CLCA2: variants seen among roughly 807,000 people sequenced by gnomAD.
CLCA2 encodes the protein chloride channel accessory 2.
Under a neutral mutation model 82.9 loss-of-function variants are expected in CLCA2, and 85 were observed. That is an observed-to-expected ratio of 1.03 (90% CI 0.86 to 1.23). The LOEUF (loss-of-function observed/expected upper bound fraction) is 1.23, where lower values mean the gene tolerates loss of function less well. CLCA2 is among the 50% of genes most tolerant of loss of function. CLCA2 has a pLI of 0.00. For missense variants in CLCA2, 1,089 were observed against 1,124.8 expected, an observed-to-expected ratio of 0.97 and a Z score of 0.45; for synonymous variants, 421 against 391.7, an observed-to-expected ratio of 1.07 and a Z score of -0.88.
At chr1:86,449,510 C>A (rs1454386756) in intron 11 of CLCA2, among the ~76,000 whole-genome samples, 1 of 152,098 alleles carries the variant, frequency 6.6e-6, no homozygotes, top group African/African-American at 2.4e-5. Flanking sequence ...CACTAAATAC[C>A]AAGATTTGAT....
chr1:86,432,599 A>T, intron 5 of CLCA2, 71 bp downstream of exon 5: 1 of 1,523,662 alleles, frequency 6.6e-7, no homozygotes, highest in Non-Finnish European at 8.9e-7. Flanking sequence ...TATTTAAATT[A>T]TAAGATAATT....
intron 6 of CLCA2, among the ~76,000 whole-genome samples, chr1:86,437,672 T>A (rs1662641487): frequency 6.6e-6 from 1 of 152,012 alleles, no homozygotes; most frequent in South Asian, 2.1e-4. Flanking sequence ...GATAGAGACA[T>A]AGGTATGGAT....
intron 6 of CLCA2, among the ~76,000 whole-genome samples, chr1:86,437,658 A>G (rs79839673): frequency 0.044 from 6,726 of 151,626 alleles, 204 homozygotes; most frequent in East Asian, 0.1. Context: ...GAGGTGGCGA[A>G]TGGGATAGAG....
intron 6 of CLCA2, among the ~76,000 whole-genome samples, chr1:86,438,521 C>G (rs1011316795): frequency 2.6e-5 from 4 of 152,150 alleles, no homozygotes; most frequent in Non-Finnish European, 4.4e-5. Flanking sequence ...TTTCTTTTAC[C>G]TGGACTGCAT....
chr1:86,431,598 T>C (rs1662499820), intron 4 of CLCA2, among the ~76,000 whole-genome samples: 1 of 152,250 alleles, frequency 6.6e-6, no homozygotes, highest in Non-Finnish European at 1.5e-5. Flanking sequence ...TGTTTTACAT[T>C]CCTATCAACA....
At chr1:86,438,450 C>T (rs568415211) in intron 6 of CLCA2, among the ~76,000 whole-genome samples, 14 of 152,256 alleles carry the variant, frequency 9.2e-5, no homozygotes, top group East Asian at 1.9e-4. Context: ...AGGGTAGTGC[C>T]GGGGCAGATC....
Position 86,439,095 on chromosome 1 carries a change from A to G in CLCA2, c.1192A>G (p.Lys398Glu). Residue 398 changes from lysine to glutamate, a missense_variant, in exon 7 of 14, where the codon AAA becomes GAA. By Grantham distance (56) the Lys-to-Glu change is moderately conservative. Coordinates refer to ENST00000370565, the MANE Select transcript of CLCA2 (RefSeq NM_006536.7). ...CATCAGCATTTGTTCAGGGCTTAAG[A>G]AAGGATTTGAGGTACAGTAGAGCAT... ...TDISICSGLKKGFEVVEKLNG... is the reference protein window; with the variant it reads ...TDISICSGLKEGFEVVEKLNG... 1 of 1,613,956 alleles carries G rather than the reference A, an allele frequency of 6.2e-7. No homozygotes were observed. The highest frequency in any genetic ancestry group is 8.5e-7 in the Non-Finnish European group (1 of 1,179,864).
In CLCA2 at chr1:86,432,576, C is replaced by T. The variant is rs536120136; in HGVS notation, c.744+48C>T. On this transcript the variant is annotated intron_variant, in intron 5 of 13. Transcript: ENST00000370565. ...ACACTCTTGCAGGATTCCTTCTCTTCCCATGTTTCAAGTATTTAAATTATA... is the reference window on the plus strand; with the variant it reads ...ACACTCTTGCAGGATTCCTTCTCTTTCCATGTTTCAAGTATTTAAATTATA... The T allele has an allele frequency of 6.5e-5, 102 of 1,574,014 alleles. 1 individual carries two copies. Among genetic ancestry groups the T allele is most frequent in the Non-Finnish European group, 8.7e-5 (101 of 1,157,976 alleles).
At chr1:86,428,342 G>T in intron 2 of CLCA2, 76 bp from the exon 3 acceptor site, 5 of 1,387,746 alleles carry the variant, frequency 3.6e-6, no homozygotes, top group Non-Finnish European at 4.9e-6. Context: ...AGTTCAAAGT[G>T]CTTTAATGAA....
At position 86,450,645 on chromosome 1, in the gene CLCA2, G is replaced by A. The variant is rs1314469998; in HGVS notation, c.2067G>A (p.Val689=). Residue 689 remains valine (V), a synonymous_variant, in exon 12 of 14, where the codon GTG becomes GTA. Coordinates refer to ENST00000370565, the MANE Select transcript of CLCA2 (RefSeq NM_006536.7). ...FAANGRYSLK[V]HVNHSPSIST... is the part of the protein sequence containing the mutation. ...CAAATGGTAGATATAGCTTGAAAGT[G>A]CATGTCAATCACTCTCCCAGCATAA... 1.9e-6 allele frequency: 3 copies of A among 1,613,480 alleles called. No homozygotes were observed. The African/African-American group carries it at 4.0e-5, about 22-fold the overall frequency.
intron 9 of CLCA2, among the ~76,000 whole-genome samples, chr1:86,442,733 T>C (rs1241815659): frequency 6.6e-6 from 1 of 152,258 alleles, no homozygotes; most frequent in Admixed American, 6.5e-5. Context: ...TTCAAAGTTA[T>C]TTAGAGACTT....
At chr1:86,425,594 C>A (rs1662372844) in intron 2 of CLCA2, 118 bp downstream of exon 2, 3 of 734,810 alleles carry the variant, frequency 4.1e-6, no homozygotes, top group Middle Eastern at 3.3e-4. Flanking sequence ...ATTAACAATG[C>A]AAATAATATT....
Position 86,425,412 on chromosome 1 carries a change from T to A in CLCA2, c.260T>A (p.Ile87Asn). The A allele has an allele frequency of 6.4e-7, 1 of 1,574,712 alleles. No homozygotes were observed. Among genetic ancestry groups the A allele is most frequent in the Admixed American group, 1.8e-5 (1 of 56,118 alleles). Residue 87 changes from isoleucine (I) to asparagine (N), a missense_variant, in exon 2 of 14, where the codon ATT becomes AAT. Coordinates refer to ENST00000370565, the MANE Select transcript of CLCA2 (RefSeq NM_006536.7). Reference protein sequence around the residue: ...KRRVFFRNIKILIPATWKANN... With the variant: ...KRRVFFRNIKNLIPATWKANN... ...AGAGTATTTTTCAGAAATATAAAGATTTTAATACCTGCCACATGGAAAGCT... is the reference window on the plus strand; with the variant it reads ...AGAGTATTTTTCAGAAATATAAAGAATTTAATACCTGCCACATGGAAAGCT...
chr1:86,455,367 A>C lies in CLCA2; in HGVS notation c.2672A>C (p.Asn891Thr). Residue 891 changes from asparagine to threonine, a missense_variant, in exon 14 of 14, where the codon AAT becomes ACT. By Grantham distance (65) the Asn-to-Thr change is moderately conservative. Transcript: ENST00000370565. ...IAQAPLFIPP[N>T]SDPVPARDYL... ...CAGGCGCCTCTGTTTATTCCCCCCA[A>C]TTCTGATCCTGTACCTGCCAGAGAT... is the stretch of plus-strand genomic sequence containing the variant. 6.2e-7 allele frequency: 1 copy of C among 1,612,280 alleles called. No homozygotes were observed. Among genetic ancestry groups the C allele is most frequent in the South Asian group, 1.1e-5 (1 of 90,526 alleles).
Position 86,450,655 on chromosome 1 carries a change from C to A in CLCA2, c.2077C>A (p.His693Asn). Residue 693 changes from histidine to asparagine, a missense_variant, in exon 12 of 14, where the codon CAC becomes AAC. Transcript: ENST00000370565. Reference protein sequence around the residue: ...GRYSLKVHVNHSPSISTPAHS... With the variant: ...GRYSLKVHVNNSPSISTPAHS... ...ATATAGCTTGAAAGTGCATGTCAATCACTCTCCCAGCATAAGCACCCCAGC... is the reference window on the plus strand; with the variant it reads ...ATATAGCTTGAAAGTGCATGTCAATAACTCTCCCAGCATAAGCACCCCAGC... 1 of 1,613,646 alleles carries A rather than the reference C, an allele frequency of 6.2e-7. No individual in the cohort carries two copies. The highest frequency in any genetic ancestry group is 8.5e-7 in the Non-Finnish European group (1 of 1,179,738).
intron 12 of CLCA2, among the ~76,000 whole-genome samples, chr1:86,452,980 C>A (rs2101713501): frequency 6.6e-6 from 1 of 152,188 alleles, no homozygotes; most frequent in African/African-American, 2.4e-5. Context: ...CGAGACCAGC[C>A]TAGCCAACAT....
In CLCA2 at chr1:86,444,879, TTTG is replaced by T. The variant is rs199948615; in HGVS notation, c.1713+902_1713+904del. ...CCTCACATGCTGCCCCACCCCCACTTTTGTTGTTGTTGTTGTTGTTGTTGTTGT... is the reference window on the plus strand; with the variant it reads ...CCTCACATGCTGCCCCACCCCCACTTTTGTTGTTGTTGTTGTTGTTGTTGT... On this transcript the variant is annotated intron_variant, in intron 10 of 13. Transcript: ENST00000370565. Among the ~76,000 whole-genome samples, 734 of 148,126 alleles carry T rather than the reference TTTG, an allele frequency of 5.0e-3. 10 individuals carry two copies. Among genetic ancestry groups the T allele is most frequent in the African/African-American group, 0.016 (644 of 40,190 alleles).
Position 86,439,005 on chromosome 1 carries a change from A to C in CLCA2, c.1102A>C (p.Asn368His). The C allele has an allele frequency of 6.2e-7, 1 of 1,614,148 alleles. No homozygotes were observed. The highest frequency in any genetic ancestry group is 8.5e-7 in the Non-Finnish European group (1 of 1,179,992). The stretch of plus-strand genomic sequence containing the variant: ...GATCAGAGCCCAGCTACACCAAATT[A>C]ACAGCAATGATGATCGAAAGTTGCT... Reference protein sequence around the residue: ...GEIRAQLHQINSNDDRKLLVS... With the variant: ...GEIRAQLHQIHSNDDRKLLVS... Residue 368 changes from asparagine to histidine, a missense_variant, in exon 7 of 14, where the codon AAC (asparagine) becomes CAC (histidine). Transcript: ENST00000370565.
At chr1:86,435,746 A>T (rs1336730494) in intron 6 of CLCA2, among the ~76,000 whole-genome samples, 3 of 152,238 alleles carry the variant, frequency 2.0e-5, no homozygotes, top group Admixed American at 6.5e-5. Context: ...GCTATTAATA[A>T]CAATTAAATG....
Sources: gnomAD v4.1 joint callset for allele counts (sites outside exome capture counted in the v4.1 genomes callset) on GRCh38, gnomAD v4.1.1 for gene constraint, MANE v1.5 for transcripts, NCBI Gene and HGNC (gene_info 2026-07-23, HGNC 2026-07-21) for gene names.